AK5: variants seen among roughly 807,000 people sequenced by gnomAD.
The protein encoded by AK5 is adenylate kinase 5.
Under a neutral mutation model 69.5 loss-of-function variants are expected in AK5, and 27 were observed. The ratio of observed to expected loss-of-function variants is 0.39; its 90% CI spans 0.29 to 0.54. The LOEUF is 0.54. AK5 is among the 20% of genes least tolerant of loss of function. The pLI, the probability that AK5 is intolerant of heterozygous loss-of-function variation, is 0.71. For missense variants in AK5, 531 were observed against 700.4 expected (o/e 0.76, Z 2.73); for synonymous variants, 260 against 244.4 (o/e 1.06, Z -0.60).
chr1:77,536,177 A>C, intron 13 of AK5, 139 bp downstream of exon 13: 2 of 954,108 alleles, frequency 2.1e-6, no homozygotes, highest in Non-Finnish European at 3.0e-6. Context: ...CTGGGGCCAA[A>C]AGGCCCAGCA....
intron 13 of AK5, among the ~76,000 whole-genome samples, chr1:77,553,850 G>A (rs116103836): frequency 0.028 from 4,252 of 152,208 alleles, 97 homozygotes; most frequent in African/African-American, 0.06. Flanking sequence ...TTGATAAGGC[G>A]AGCTCAGGTG....
intron 8 of AK5, among the ~76,000 whole-genome samples, chr1:77,429,937 C>G (rs1238016455): frequency 2.6e-5 from 4 of 152,092 alleles, no homozygotes; most frequent in Admixed American, 6.6e-5. Flanking sequence ...GCAGATGAGC[C>G]TGGAAAGTAG....
intron 6 of AK5, among the ~76,000 whole-genome samples, chr1:77,362,620 A>C (rs1236212619): frequency 6.6e-6 from 1 of 152,200 alleles, no homozygotes; most frequent in African/African-American, 2.4e-5. Context: ...CCAACAGAAA[A>C]CTTTCTCTAA....
chr1:77,379,125 A>C (rs965798559), intron 6 of AK5, among the ~76,000 whole-genome samples: 2 of 152,198 alleles, frequency 1.3e-5, no homozygotes, highest in African/African-American at 4.8e-5. Context: ...GTGATCCAGC[A>C]TGAGAGGAAC....
chr1:77,551,405 T>C (rs1659815905), intron 13 of AK5, among the ~76,000 whole-genome samples: 2 of 152,170 alleles, frequency 1.3e-5, no homozygotes, highest in African/African-American at 4.8e-5. Flanking sequence ...TGATTTTGTC[T>C]TTAAACCTAC....
chr1:77,293,606 C>G, intron 2 of AK5, 187 bp from the exon 3 acceptor site: 1 of 485,738 alleles, frequency 2.1e-6, no homozygotes, highest in South Asian at 4.1e-5. Flanking sequence ...GCACGGCTCT[C>G]AAAGCCCAAA....
At chr1:77,377,294 C>A (rs1057313777) in intron 6 of AK5, among the ~76,000 whole-genome samples, 3 of 152,194 alleles carry the variant, frequency 2.0e-5, no homozygotes, top group Admixed American at 2.0e-4. Context: ...CATCCCCAAA[C>A]ATGCTTCTTT....
chr1:77,358,387 T>G (rs945718083), intron 6 of AK5, among the ~76,000 whole-genome samples: 2 of 152,194 alleles, frequency 1.3e-5, no homozygotes, highest in African/African-American at 4.8e-5. Flanking sequence ...AGAAAACACG[T>G]GAGAACCCTT....
chr1:77,361,873 C>T (rs1010558738), intron 6 of AK5, among the ~76,000 whole-genome samples: 2 of 152,238 alleles, frequency 1.3e-5, no homozygotes, highest in African/African-American at 4.8e-5. Context: ...CGGGTTCCTC[C>T]CAGGACATGT....
intron 6 of AK5, among the ~76,000 whole-genome samples, chr1:77,377,051 A>G (rs1415884403): frequency 6.6e-6 from 1 of 152,214 alleles, no homozygotes; most frequent in Non-Finnish European, 1.5e-5. Context: ...AAATATGACA[A>G]TAATTTGCCC....
intron 2 of AK5, among the ~76,000 whole-genome samples, chr1:77,289,715 T>C (rs533369420): frequency 2.6e-5 from 4 of 152,026 alleles, no homozygotes; most frequent in Non-Finnish European, 4.4e-5. Context: ...GAACAGTCAT[T>C]GTTTAAAAAC....
intron 8 of AK5, among the ~76,000 whole-genome samples, chr1:77,463,570 TAA>T (rs3077577): frequency 0.28 from 40,803 of 147,320 alleles, 6,267 homozygotes; most frequent in East Asian, 0.59. Flanking sequence ...TGTTTAGCTT[TAA>T]AAAAAAAAAA....
chr1:77,504,174 G>T (rs768234711), intron 10 of AK5, among the ~76,000 whole-genome samples: 5 of 151,996 alleles, frequency 3.3e-5, no homozygotes, highest in African/African-American at 4.8e-5. Flanking sequence ...ACATTTTCTT[G>T]TGGAATGAAT....
chr1:77,313,994 G>A (rs1443607107), intron 5 of AK5: 3 of 424,840 alleles, frequency 7.1e-6, no homozygotes, highest in Non-Finnish European at 1.4e-5. Context: ...GATGGACAAA[G>A]GGGAAGAGGG....
intron 6 of AK5, among the ~76,000 whole-genome samples, chr1:77,355,445 G>A (rs1662461715): frequency 6.6e-6 from 1 of 152,120 alleles, no homozygotes; most frequent in South Asian, 2.1e-4. Context: ...GGAAACTTCA[G>A]TTATCTCAAA....
chr1:77,435,341 G>A (rs1651890374), intron 8 of AK5, among the ~76,000 whole-genome samples: 1 of 152,108 alleles, frequency 6.6e-6, no homozygotes, highest in South Asian at 2.1e-4. Flanking sequence ...TTTGAAACTA[G>A]GGAAAGTAAA....
chr1:77,357,020 T>C (rs956077581), intron 6 of AK5, among the ~76,000 whole-genome samples: 1 of 152,188 alleles, frequency 6.6e-6, no homozygotes, highest in Non-Finnish European at 1.5e-5. Context: ...TTCTTCCGAT[T>C]TGGCTTCCAC....
intron 10 of AK5, among the ~76,000 whole-genome samples, chr1:77,490,930 G>T (rs961503146): frequency 2.0e-5 from 3 of 151,866 alleles, no homozygotes; most frequent in African/African-American, 4.8e-5. Context: ...CCAAAGCTTG[G>T]GTAGAAGTGC....
chr1:77,365,035 GT>G (rs1365001696), intron 6 of AK5, among the ~76,000 whole-genome samples: 5 of 151,822 alleles, frequency 3.3e-5, no homozygotes, highest in South Asian at 4.2e-4. Flanking sequence ...AACATTTGTT[GT>G]TTTTTTTATC....
Sources: allele counts gnomAD v4.1 joint callset (sites outside exome capture counted in the v4.1 genomes callset), GRCh38; gene constraint gnomAD v4.1.1; transcripts MANE v1.5; gene names NCBI Gene and HGNC (gene_info 2026-07-23, HGNC 2026-07-21).